Variants in ADPRM observed in about 807,000 individuals in gnomAD.
ADPRM encodes manganese-dependent ADP-ribose/CDP-alcohol diphosphatase.
A neutral mutation model predicts 27.2 loss-of-function variants in ADPRM; 17 were observed. The ratio of observed to expected loss-of-function variants is 0.63; its 90% CI spans 0.43 to 0.94. ADPRM has a LOEUF of 0.94. Ranked by LOEUF, ADPRM falls within the 40% of genes least tolerant of loss-of-function variation. The pLI is 0.00. For synonymous variants in ADPRM, 135 were observed against 145.3 expected (o/e 0.93, Z 0.51); for missense variants, 337 against 412.8 (o/e 0.82, Z 1.59).
At chr17:10,701,174 T>C (rs968222682) in intron 1 of ADPRM, among the ~76,000 whole-genome samples, 2 of 152,192 alleles carry the variant, frequency 1.3e-5, no homozygotes, top group African/African-American at 4.8e-5. Context: ...CAGCGTAGCA[T>C]GTAATAAATG....
At chr17:10,697,966 G>A (rs572668493) in intron 1 of ADPRM, 1 of 171,486 alleles carries the variant, frequency 5.8e-6, no homozygotes, top group Non-Finnish European at 1.2e-5. Flanking sequence ...TGTCAACCTC[G>A]TCCTGCCGGC....
chr17:10,701,986 A>C (rs778002629), intron 1 of ADPRM, among the ~76,000 whole-genome samples: 3 of 152,172 alleles, frequency 2.0e-5, no homozygotes, highest in South Asian at 2.1e-4. Context: ...CTTTCCCTGA[A>C]TATGTTTCTG....
chr17:10,710,415 A>G (rs1209356913), intron 3 of ADPRM, among the ~76,000 whole-genome samples: 1 of 152,108 alleles, frequency 6.6e-6, no homozygotes, highest in Non-Finnish European at 1.5e-5. Context: ...TCTTTTATTT[A>G]GTGTTACATC....
In ADPRM at chr17:10,705,528, G is replaced by A; in HGVS notation, c.601+1G>A. 1 of 1,610,966 alleles carries A rather than the reference G, an allele frequency of 6.2e-7. No individual in the cohort carries two copies. The highest frequency in any genetic ancestry group is 8.5e-7 in the Non-Finnish European group (1 of 1,178,248). On this transcript the variant is annotated splice_donor_variant, in intron 2 of 3. Coordinates refer to ENST00000379774, the MANE Select transcript of ADPRM (RefSeq NM_020233.5). LOFTEE classifies it high-confidence loss of function. The surrounding 1 kb of genome is among the most constrained non-coding windows in gnomAD (Gnocchi z 5.4). Reference sequence around the variant, plus strand: ...AATACGGAACTGAATAGTCCTCAAGGTGAATTATTCCTTTGAGCTGAGAAT... The same window carrying A: ...AATACGGAACTGAATAGTCCTCAAGATGAATTATTCCTTTGAGCTGAGAAT...
Position 10,705,617 on chromosome 17 carries a change from TA to T in ADPRM, c.601+94del. 6.6e-7 allele frequency: 1 copy of T among 1,514,226 alleles called. No homozygotes were observed. Among genetic ancestry groups the T allele is most frequent in the Non-Finnish European group, 8.8e-7 (1 of 1,133,106 alleles). The allele number at this position is 1,514,226 out of a possible 1,614,324, so 93.8% of individuals were successfully genotyped here. A position where few individuals can be genotyped will look rare whatever the true frequency, so the allele number is the denominator to read the frequency against. On this transcript the variant is annotated intron_variant, in intron 2 of 3. Coordinates refer to ENST00000379774, the MANE Select transcript of ADPRM (RefSeq NM_020233.5). The surrounding 1 kb of genome is among the most constrained non-coding windows in gnomAD (Gnocchi z 5.4). ...TCAGCAGGAAGATGGACAATTAAGG[TA>T]AAAGTATATTGTCACTTGTTCAGGG...
chr17:10,701,090 G>A (rs1261467128), intron 1 of ADPRM, among the ~76,000 whole-genome samples: 1 of 152,258 alleles, frequency 6.6e-6, no homozygotes, highest in South Asian at 2.1e-4. Flanking sequence ...CAGGAAACAC[G>A]AGGACTATAA....
chr17:10,709,079 A>G (rs422979), intron 3 of ADPRM, among the ~76,000 whole-genome samples: 69,070 of 151,738 alleles, frequency 0.46, 15,914 homozygotes, highest in African/African-American at 0.51. Context: ...GTAATAAAAA[A>G]ATTTTCTTTT....
chr17:10,699,326 T>C (rs1364490466), intron 1 of ADPRM: 1 of 152,086 alleles, frequency 6.6e-6, no homozygotes, highest in Admixed American at 6.5e-5. Flanking sequence ...AGGTGTTTTA[T>C]AACTGCATTT....
Position 10,705,443 on chromosome 17 carries a change from G to C in ADPRM, c.517G>C (p.Val173Leu), listed in dbSNP as rs191283617. ...LDAYDLSVLGVDQSSPKYEQC... is the reference protein window; with the variant it reads ...LDAYDLSVLGLDQSSPKYEQC... ...TGCATATGACTTGAGTGTCTTGGGC[G>C]TGGATCAGTCTTCTCCAAAATACGA... Residue 173 changes from valine to leucine, a missense_variant, in exon 2 of 4, where the codon GTG becomes CTG. By Grantham distance (32) the Val-to-Leu change is conservative. Transcript: ENST00000379774. This position sits in a 1 kb window ranked among gnomAD's most constrained non-coding sequence, Gnocchi z 5.4. 6.2e-7 allele frequency: 1 copy of C among 1,614,062 alleles called. No homozygotes were observed. The highest frequency in any genetic ancestry group is 2.2e-5 in the East Asian group (1 of 44,866).
Position 10,711,368 on chromosome 17 carries a change from T to C in ADPRM, c.*224T>C. ...GGGAGGAAACTGAGGCAGGGGTGTA[T>C]AGTCCTCATAAGGGGCATATAGTCC... is the stretch of plus-strand genomic sequence containing the variant. On this transcript the variant is annotated 3_prime_UTR_variant, in exon 4 of 4. Transcript: ENST00000379774. The C allele has an allele frequency of 1.9e-6, 1 of 513,500 alleles. No homozygotes were observed. The highest frequency in any genetic ancestry group is 2.3e-5 in the South Asian group (1 of 42,816). 31.8% of individuals were successfully genotyped at this position (513,500 alleles called of 1,614,324 possible).
chr17:10,705,092 A>G lies in ADPRM; in HGVS notation c.166A>G (p.Ile56Val). The part of the protein sequence containing the change: ...RHSLLHLQGA[I>V]EDWNNESSMP... ...TAGTCTTCTTCACTTACAGGGTGCC[A>G]TTGAAGACTGGAATAATGAAAGCAG... Residue 56 changes from isoleucine to valine, a missense_variant, in exon 2 of 4, where the codon ATT becomes GTT. Transcript: ENST00000379774. This position sits in a 1 kb window ranked among gnomAD's most constrained non-coding sequence, Gnocchi z 5.4. 2 of 1,614,158 alleles carry G rather than the reference A, an allele frequency of 1.2e-6. No individual in the cohort carries two copies. Among genetic ancestry groups the G allele is most frequent in the South Asian group, 2.2e-5 (2 of 91,082 alleles).
rs1238683574 is a variant in ADPRM, at chr17:10,702,350, T to C, written c.-17-2560T>C. On this transcript the variant is annotated intron_variant, in intron 1 of 3. Transcript: ENST00000379774. The surrounding 1 kb of genome is among the most constrained non-coding windows in gnomAD (Gnocchi z 4.2). The stretch of plus-strand genomic sequence containing the variant: ...AGCCTTGAGTTTTTCTAAACTGAAC[T>C]TGTTCCAGTGGAAGGTGTATTTGAG... Among the ~76,000 whole-genome samples the C allele has an allele frequency of 1.3e-5, 2 of 152,208 alleles. No individual in the cohort carries two copies. The highest frequency in any genetic ancestry group is 4.8e-5 in the African/African-American group (2 of 41,452).
In ADPRM at chr17:10,704,962, C is replaced by T; in HGVS notation, c.36C>T (p.Asp12=). 1.9e-6 allele frequency: 3 copies of T among 1,612,946 alleles called. No homozygotes were observed. Among genetic ancestry groups the T allele is most frequent in the Non-Finnish European group, 2.5e-6 (3 of 1,179,636 alleles). Residue 12 remains aspartate, a synonymous_variant, in exon 2 of 4, where the codon GAC becomes GAT. Coordinates refer to ENST00000379774, the MANE Select transcript of ADPRM (RefSeq NM_020233.5). The part of the protein sequence containing the change: ...DDKPNPEALS[D]SSERLFSFGV... ...AACCCAATCCTGAAGCCCTAAGTGACAGTTCAGAGCGTCTTTTCTCCTTTG... is the reference window on the plus strand; with the variant it reads ...AACCCAATCCTGAAGCCCTAAGTGATAGTTCAGAGCGTCTTTTCTCCTTTG...
chr17:10,701,870 C>T (rs1365677297), intron 1 of ADPRM, among the ~76,000 whole-genome samples: 1 of 152,138 alleles, frequency 6.6e-6, no homozygotes, highest in Non-Finnish European at 1.5e-5. Context: ...TCTGAGCTCC[C>T]CCTACATGTC....
At chr17:10,701,679 C>T (rs915625277) in intron 1 of ADPRM, among the ~76,000 whole-genome samples, 40 of 152,224 alleles carry the variant, frequency 2.6e-4, no homozygotes, top group African/African-American at 9.2e-4. Context: ...AAACTTCATG[C>T]ACCCATTTCT....
intron 3 of ADPRM, among the ~76,000 whole-genome samples, chr17:10,708,728 ACT>A (rs929750759): frequency 7.9e-5 from 12 of 152,214 alleles, no homozygotes; most frequent in African/African-American, 2.4e-4. Context: ...TAAGTTTTCC[ACT>A]CTCAGCCTGT....
chr17:10,706,621 T>C (rs1277536425), intron 3 of ADPRM, 67 bp downstream of exon 3: 10 of 1,139,836 alleles, frequency 8.8e-6, no homozygotes, highest in African/African-American at 1.6e-5. Context: ...CGTTAAAGCA[T>C]ACTAACAATA....
chr17:10,700,492 T>G (rs1462477162), intron 1 of ADPRM, among the ~76,000 whole-genome samples: 1 of 148,108 alleles, frequency 6.8e-6, no homozygotes, highest in Non-Finnish European at 1.5e-5. Flanking sequence ...TTTCAGTAAT[T>G]AAGCATCCTT....
In ADPRM at chr17:10,705,756, AT is replaced by A; in HGVS notation, c.601+231del. The stretch of plus-strand genomic sequence containing the variant: ...CCAGGCACTTTTTCTAGGGGTAGAT[AT>A]TCCGAGCTGTAAACAATACTAACAA... On this transcript the variant is annotated intron_variant, in intron 2 of 3. Transcript: ENST00000379774. The surrounding 1 kb of genome is among the most constrained non-coding windows in gnomAD (Gnocchi z 5.4). 1 of 606,532 alleles carries A rather than the reference AT, an allele frequency of 1.6e-6. No homozygotes were observed. Among genetic ancestry groups the A allele is most frequent in the Non-Finnish European group, 2.8e-6 (1 of 360,230 alleles). The allele number at this position is 606,532 out of a possible 1,614,324, so 37.6% of individuals were successfully genotyped here.
Sources: gnomAD v4.1 joint callset for allele counts (sites outside exome capture counted in the v4.1 genomes callset) on GRCh38, gnomAD v4.1.1 for gene constraint, Gnocchi (gnomAD v3.1) non-coding constraint, MANE v1.5 for transcripts, NCBI Gene and HGNC (gene_info 2026-07-23, HGNC 2026-07-21) for gene names.